HS6ST3: variants seen among roughly 807,000 people sequenced by gnomAD.
HS6ST3 encodes heparan-sulfate 6-O-sulfotransferase 3.
A neutral mutation model predicts 36.7 loss-of-function variants in HS6ST3; 12 were observed. The observed-to-expected ratio is 0.33, with a 90% confidence interval of 0.21 to 0.53. HS6ST3 has a LOEUF of 0.53. HS6ST3 is among the 20% of genes least tolerant of loss of function. The pLI, the probability that HS6ST3 is intolerant of heterozygous loss-of-function variation, is 0.95. For missense variants in HS6ST3, 584 were observed against 640.9 expected (o/e 0.91, Z 0.96); for synonymous variants, 240 against 257.5 (o/e 0.93, Z 0.65).
At chr13:96,631,356 G>T (rs921154810) in intron 1 of HS6ST3, among the ~76,000 whole-genome samples, 3 of 152,162 alleles carry the variant, frequency 2.0e-5, no homozygotes, top group African/African-American at 4.8e-5. Flanking sequence ...GTGCTGTTTA[G>T]ATCAAAGGGA....
rs114030489 is a variant in HS6ST3 at position 96,493,975 on chromosome 13, C to T, written c.708-338515C>T. 8.9e-3 allele frequency among the ~76,000 whole-genome samples: 1,360 copies of T among 152,228 alleles called. 17 individuals are homozygous for T. The highest frequency in any genetic ancestry group is 0.031 in the African/African-American group (1,291 of 41,536). ...AAAAGCCATTAGTTCAGAGTCGTGA[C>T]TCAAACATAATTCCTTAATCTCTGA... On this transcript the variant is annotated intron_variant, in intron 1 of 1. Transcript: ENST00000376705.
chr13:96,234,518 G>A (rs2054524827), intron 1 of HS6ST3, among the ~76,000 whole-genome samples: 1 of 152,150 alleles, frequency 6.6e-6, no homozygotes, highest in African/African-American at 2.4e-5. Flanking sequence ...AGTTCCATAT[G>A]GCTGGGGAGG....
At chr13:96,619,787 A>G (rs1341583193) in intron 1 of HS6ST3, among the ~76,000 whole-genome samples, 1 of 152,208 alleles carries the variant, frequency 6.6e-6, no homozygotes, top group African/African-American at 2.4e-5. Flanking sequence ...TTATTTTAAT[A>G]TCCCATATTC....
chr13:96,429,131 G>T (rs746979159), intron 1 of HS6ST3, among the ~76,000 whole-genome samples: 21 of 152,172 alleles, frequency 1.4e-4, no homozygotes, highest in Admixed American at 2.6e-4. Context: ...TTATCTTTGA[G>T]TACTGTATGT....
At chr13:96,306,390 T>A (rs1043995262) in intron 1 of HS6ST3, among the ~76,000 whole-genome samples, 4 of 152,122 alleles carry the variant, frequency 2.6e-5, no homozygotes, top group Admixed American at 2.6e-4. Flanking sequence ...TTTTATATTT[T>A]AGTAGACATG....
At chr13:96,467,068 T>C (rs2055817870) in intron 1 of HS6ST3, among the ~76,000 whole-genome samples, 1 of 152,240 alleles carries the variant, frequency 6.6e-6, no homozygotes, top group Non-Finnish European at 1.5e-5. Flanking sequence ...CTTTGATATA[T>C]TCTTTCTGAC....
At chr13:96,574,998 T>G (rs1253549568) in intron 1 of HS6ST3, among the ~76,000 whole-genome samples, 4 of 152,044 alleles carry the variant, frequency 2.6e-5, no homozygotes, top group African/African-American at 9.7e-5. Flanking sequence ...ATACCAAGAG[T>G]TGAATACAAC....
chr13:96,090,848 C>A lies in HS6ST3; in HGVS notation c.-15C>A. 1.3e-6 allele frequency: 2 copies of A among 1,482,674 alleles called. No homozygotes were observed. Among genetic ancestry groups the A allele is most frequent in the Admixed American group, 2.2e-5 (1 of 44,844 alleles). The allele number at this position is 1,482,674 out of a possible 1,614,324, so 91.8% of individuals were successfully genotyped here. ...CCGCCGCCGCCGCTTCGCCTGCCGG[C>A]CTGAGAGCGGGACCATGGATGAAAG... On this transcript the variant is annotated 5_prime_UTR_variant, in exon 1 of 2. Coordinates refer to ENST00000376705, the MANE Select transcript of HS6ST3 (RefSeq NM_153456.4).
At chr13:96,814,319 T>C (rs1250043666) in intron 1 of HS6ST3, among the ~76,000 whole-genome samples, 3 of 152,204 alleles carry the variant, frequency 2.0e-5, no homozygotes, top group African/African-American at 7.2e-5. Flanking sequence ...AAATTCAATG[T>C]TTAAAATAAT....
At chr13:96,495,446 G>T (rs2055970163) in intron 1 of HS6ST3, among the ~76,000 whole-genome samples, 1 of 152,250 alleles carries the variant, frequency 6.6e-6, no homozygotes, top group African/African-American at 2.4e-5. Context: ...TTTTAACAGT[G>T]CTTTAAACAC....
At chr13:96,412,193 C>T (rs1160114359) in intron 1 of HS6ST3, among the ~76,000 whole-genome samples, 1 of 151,922 alleles carries the variant, frequency 6.6e-6, no homozygotes, top group African/African-American at 2.4e-5. Flanking sequence ...TTAGTAGAGA[C>T]GGGGTTTTAC....
chr13:96,724,627 T>C (rs1248602068), intron 1 of HS6ST3, among the ~76,000 whole-genome samples: 2 of 152,194 alleles, frequency 1.3e-5, no homozygotes, highest in Non-Finnish European at 2.9e-5. Flanking sequence ...ATAAAATATA[T>C]ACTCTTGAGG....
intron 1 of HS6ST3, among the ~76,000 whole-genome samples, chr13:96,135,197 G>A (rs1370979765): frequency 6.6e-6 from 1 of 152,162 alleles, no homozygotes; most frequent in Non-Finnish European, 1.5e-5. Flanking sequence ...CTTCTTAGCA[G>A]GTTTATGGGA....
At chr13:96,625,719 A>G (rs1164351688) in intron 1 of HS6ST3, among the ~76,000 whole-genome samples, 1 of 151,982 alleles carries the variant, frequency 6.6e-6, no homozygotes, top group Non-Finnish European at 1.5e-5. Context: ...GTTCTTATTA[A>G]ATATTTATAT....
chr13:96,216,332 T>C (rs1430923485), intron 1 of HS6ST3, among the ~76,000 whole-genome samples: 1 of 152,238 alleles, frequency 6.6e-6, no homozygotes, highest in Non-Finnish European at 1.5e-5. Context: ...TGATGACTGC[T>C]TAATATTCCA....
intron 1 of HS6ST3, among the ~76,000 whole-genome samples, chr13:96,513,826 A>G (rs547239604): frequency 2.6e-5 from 4 of 152,150 alleles, no homozygotes; most frequent in African/African-American, 9.6e-5. Flanking sequence ...GTAGGAGGCC[A>G]TCTTTGAGCA....
chr13:96,327,012 T>C (rs1295863950), intron 1 of HS6ST3, among the ~76,000 whole-genome samples: 1 of 145,814 alleles, frequency 6.9e-6, no homozygotes, highest in Non-Finnish European at 1.5e-5. Flanking sequence ...CTTTGCTCAC[T>C]TTTTGATGGG....
chr13:96,632,121 G>A (rs573486744), intron 1 of HS6ST3, among the ~76,000 whole-genome samples: 2 of 152,232 alleles, frequency 1.3e-5, no homozygotes, highest in African/African-American at 4.8e-5. Context: ...CCTTATAAAA[G>A]GGCTTAGGGG....
chr13:96,368,136 C>G (rs946633652), intron 1 of HS6ST3, among the ~76,000 whole-genome samples: 1 of 152,128 alleles, frequency 6.6e-6, no homozygotes, highest in African/African-American at 2.4e-5. Flanking sequence ...TTTCTCAGAC[C>G]CTGTGAGTTT....
Sources: allele counts gnomAD v4.1 joint callset (sites outside exome capture counted in the v4.1 genomes callset), GRCh38; gene constraint gnomAD v4.1.1; transcripts MANE v1.5; gene names NCBI Gene and HGNC (gene_info 2026-07-23, HGNC 2026-07-21).